Variants in SNTG1 observed in about 807,000 individuals in gnomAD.
SNTG1 encodes the protein gamma-1-syntrophin.
In SNTG1, 39 loss-of-function variants were observed where a neutral mutation model predicts 74.7. The ratio of observed to expected loss-of-function variants is 0.52; its 90% CI spans 0.40 to 0.68. The LOEUF (loss-of-function observed/expected upper bound fraction) is 0.68, where lower values mean the gene tolerates loss of function less well. SNTG1 is among the 30% of genes least tolerant of loss of function. The pLI is 0.00. For synonymous variants in SNTG1, 254 were observed against 217.1 expected, an observed-to-expected ratio of 1.17 and a Z score of -1.49; for missense variants, 685 against 609.5, an observed-to-expected ratio of 1.12 and a Z score of -1.30.
chr8:50,103,151 C>A lies in SNTG1; in HGVS notation c.-102-69410C>A, dbSNP rs1040467328. On this transcript the variant is annotated intron_variant, in intron 1 of 18. Transcript: ENST00000642720. Reference sequence around the variant, plus strand: ...ATTGAATCTATAAATTACCTTGGGCCGTATGGCCATTTTCACGATATTGAT... The same window carrying A: ...ATTGAATCTATAAATTACCTTGGGCAGTATGGCCATTTTCACGATATTGAT... Among the ~76,000 whole-genome samples the A allele has an allele frequency of 1.4e-3, 219 of 152,104 alleles. 1 individual carries two copies. Among genetic ancestry groups the A allele is most frequent in the Admixed American group, 2.4e-3 (36 of 15,270 alleles).
chr8:50,317,946 C>T (rs191555665), intron 2 of SNTG1, among the ~76,000 whole-genome samples: 1 of 152,270 alleles, frequency 6.6e-6, no homozygotes, highest in East Asian at 1.9e-4. Context: ...ACGCCATTCT[C>T]CTGCCTCAGC....
At chr8:50,440,213 ACTT>A (rs1219862080) in intron 5 of SNTG1, among the ~76,000 whole-genome samples, 1 of 151,932 alleles carries the variant, frequency 6.6e-6, no homozygotes, top group East Asian at 1.9e-4. Flanking sequence ...ACAAAAAAGA[ACTT>A]TTTGCAAAAT....
Position 49,990,853 on chromosome 8 carries a change from T to C in SNTG1, c.-103+78622T>C, listed in dbSNP as rs538374426. Among the ~76,000 whole-genome samples, 19 of 152,204 alleles carry C rather than the reference T, an allele frequency of 1.2e-4. 1 individual carries two copies. The South Asian group carries it at 3.9e-3, about 32-fold the overall frequency. ...CAAATATTATTCTTAGAAGAAAACA[T>C]AGAAGGAAGTCTTCATGATGGTGTG... On this transcript the variant is annotated intron_variant, in intron 1 of 18. Transcript: ENST00000642720.
chr8:49,922,403 A>T (rs994732300), intron 1 of SNTG1, among the ~76,000 whole-genome samples: 1 of 152,148 alleles, frequency 6.6e-6, no homozygotes, highest in Non-Finnish European at 1.5e-5. Context: ...CAGTAACCCA[A>T]AAGAATTAAT....
At chr8:50,609,151 G>A (rs2094832947) in intron 13 of SNTG1, among the ~76,000 whole-genome samples, 1 of 151,890 alleles carries the variant, frequency 6.6e-6, no homozygotes, top group South Asian at 2.1e-4. Flanking sequence ...TTTCTTTCCT[G>A]TGAATACAAG....
At chr8:50,255,382 C>T (rs1231672639) in intron 2 of SNTG1, among the ~76,000 whole-genome samples, 1 of 152,080 alleles carries the variant, frequency 6.6e-6, no homozygotes, top group Admixed American at 6.6e-5. Flanking sequence ...TCACACTTTC[C>T]AACCATGTCT....
intron 1 of SNTG1, among the ~76,000 whole-genome samples, chr8:49,930,642 G>A (rs1807493546): frequency 1.3e-5 from 2 of 152,056 alleles, no homozygotes; most frequent in South Asian, 4.2e-4. Flanking sequence ...CAGGAACACA[G>A]TAAGAACACC....
At chr8:50,078,417 T>C (rs1456321690) in intron 1 of SNTG1, among the ~76,000 whole-genome samples, 2 of 152,340 alleles carry the variant, frequency 1.3e-5, no homozygotes, top group Non-Finnish European at 2.9e-5. Context: ...TTTCTTTTGA[T>C]CTTCTGTACT....
chr8:50,070,724 C>T (rs1463199308), intron 1 of SNTG1, among the ~76,000 whole-genome samples: 6 of 152,176 alleles, frequency 3.9e-5, no homozygotes, highest in African/African-American at 1.4e-4. Flanking sequence ...ACAGTACCCA[C>T]GAAAGTGAGT....
intron 1 of SNTG1, among the ~76,000 whole-genome samples, chr8:50,030,166 C>G (rs1295778982): frequency 6.6e-6 from 1 of 152,060 alleles, no homozygotes; most frequent in Non-Finnish European, 1.5e-5. Context: ...AATGTCTATT[C>G]ACATCTTTTG....
intron 12 of SNTG1, chr8:50,575,849 A>G (rs2094573917): frequency 6.6e-6 from 1 of 152,220 alleles, no homozygotes; most frequent in Non-Finnish European, 1.5e-5. Context: ...AGAAATGTTC[A>G]TTCATATCTT....
chr8:50,420,019 G>A (rs1396774112), intron 4 of SNTG1, among the ~76,000 whole-genome samples: 1 of 151,842 alleles, frequency 6.6e-6, no homozygotes, highest in African/African-American at 2.4e-5. Flanking sequence ...AAAATAAGAA[G>A]TGTCTCAGGG....
intron 2 of SNTG1, among the ~76,000 whole-genome samples, chr8:50,309,717 G>A (rs1163237624): frequency 6.6e-6 from 1 of 152,186 alleles, no homozygotes; most frequent in African/African-American, 2.4e-5. Flanking sequence ...ATTGGCTTCT[G>A]AGAGACGAAG....
At chr8:50,692,183 C>A (rs554497088) in intron 15 of SNTG1, among the ~76,000 whole-genome samples, 1 of 152,126 alleles carries the variant, frequency 6.6e-6, no homozygotes, top group South Asian at 2.1e-4. Flanking sequence ...ACTTCTTTGC[C>A]TTTGTTTTGA....
chr8:50,401,455 A>C (rs1425369688), intron 3 of SNTG1, among the ~76,000 whole-genome samples: 1 of 152,216 alleles, frequency 6.6e-6, no homozygotes, highest in Non-Finnish European at 1.5e-5. Flanking sequence ...AATTACCCAA[A>C]GTATATAAAG....
intron 1 of SNTG1, among the ~76,000 whole-genome samples, chr8:49,992,605 A>G (rs1019763219): frequency 6.6e-5 from 10 of 152,160 alleles, no homozygotes; most frequent in African/African-American, 2.4e-4. Flanking sequence ...ACACATCTGC[A>G]TTGACAAATG....
intron 17 of SNTG1, among the ~76,000 whole-genome samples, chr8:50,717,055 A>C (rs1306017157): frequency 1.3e-5 from 2 of 152,184 alleles, no homozygotes; most frequent in Non-Finnish European, 2.9e-5. Flanking sequence ...TTCTTGATAT[A>C]CAAGGACATT....
chr8:50,143,621 G>C (rs987173440), intron 1 of SNTG1, among the ~76,000 whole-genome samples: 20 of 152,258 alleles, frequency 1.3e-4, no homozygotes, highest in Admixed American at 1.2e-3. Context: ...TTGCTCAGAT[G>C]CAAGTTTGAT....
At chr8:49,961,285 T>C (rs1810661641) in intron 1 of SNTG1, among the ~76,000 whole-genome samples, 1 of 152,236 alleles carries the variant, frequency 6.6e-6, no homozygotes, top group Non-Finnish European at 1.5e-5. Context: ...ATATTTTATT[T>C]AAACATGTTG....
Sources: gnomAD v4.1 joint callset for allele counts (sites outside exome capture counted in the v4.1 genomes callset) on GRCh38, gnomAD v4.1.1 for gene constraint, MANE v1.5 for transcripts, NCBI Gene and HGNC (gene_info 2026-07-23, HGNC 2026-07-21) for gene names.